The following CNTNAP3B variants were observed in gnomAD, a reference collection of about 807,000 sequenced individuals.
CNTNAP3B encodes contactin associated protein family member 3B.
Under a neutral mutation model 108.9 loss-of-function variants are expected in CNTNAP3B, and 25 were observed. The observed-to-expected ratio is 0.23, with a 90% CI of 0.17 to 0.32. CNTNAP3B has a LOEUF of 0.32. CNTNAP3B is among the 10% of genes least tolerant of loss of function. CNTNAP3B has a pLI of 1.00. For synonymous variants in CNTNAP3B, 103 were observed against 473.4 expected (o/e 0.22, Z 10.16); for missense variants, 252 against 1,210.4 (o/e 0.21, Z 11.75).
At chr9:41,981,843 C>T (rs548957432) in intron 9 of CNTNAP3B, among the ~76,000 whole-genome samples, 70 of 57,030 alleles carry the variant, frequency 1.2e-3, no homozygotes, top group Middle Eastern at 7.1e-3. Context: ...GCTTGAACCT[C>T]GGAGTTTGAG....
At chr9:41,990,389 A>ATCTGTT (rs1825783808) in intron 8 of CNTNAP3B, among the ~76,000 whole-genome samples, 1 of 129,534 alleles carries the variant, frequency 7.7e-6, no homozygotes. Context: ...TCTCCTCTGA[A>ATCTGTT]TATCTGTTTT....
At chr9:42,032,712 C>T (rs1172096957) in intron 3 of CNTNAP3B, among the ~76,000 whole-genome samples, 1 of 119,750 alleles carries the variant, frequency 8.4e-6, no homozygotes, top group Non-Finnish European at 1.7e-5. Context: ...TCTGTTGAGG[C>T]TGTCATAACA....
At chr9:41,926,192 C>T (rs1823814216) in intron 15 of CNTNAP3B, among the ~76,000 whole-genome samples, 5 of 152,284 alleles carry the variant, frequency 3.3e-5, no homozygotes, top group Admixed American at 6.5e-5. Context: ...TAACTCTTTC[C>T]TCAGTGAGGT....
At chr9:41,951,964 C>G in intron 13 of CNTNAP3B, among the ~76,000 whole-genome samples, 1 of 152,228 alleles carries the variant, frequency 6.6e-6, no homozygotes, top group Non-Finnish European at 1.5e-5. Flanking sequence ...GTATTCTCAG[C>G]TATTCAGGAG....
chr9:41,951,935 G>A (rs1211389637), intron 13 of CNTNAP3B, among the ~76,000 whole-genome samples: 1 of 152,242 alleles, frequency 6.6e-6, no homozygotes, highest in Non-Finnish European at 1.5e-5. Context: ...AAATTAGCCG[G>A]GCGTGGCGGC....
intron 15 of CNTNAP3B, among the ~76,000 whole-genome samples, chr9:41,927,379 A>G (rs1311129227): frequency 7.6e-6 from 1 of 132,306 alleles, no homozygotes; most frequent in East Asian, 2.1e-4. Flanking sequence ...CAGTGCAAAC[A>G]TACTGAGAAA....
At chr9:41,973,037 A>C (rs1421326652) in intron 9 of CNTNAP3B, among the ~76,000 whole-genome samples, 1 of 134,460 alleles carries the variant, frequency 7.4e-6, no homozygotes, top group Non-Finnish European at 1.6e-5. Context: ...ACCCAGGTTC[A>C]CAGCATTCTC....
intron 12 of CNTNAP3B, among the ~76,000 whole-genome samples, chr9:41,954,761 G>A (rs1301638391): frequency 2.6e-5 from 4 of 152,256 alleles, no homozygotes; most frequent in Non-Finnish European, 5.9e-5. Context: ...TCAGCTCACT[G>A]CAGCCTCTGC....
intron 3 of CNTNAP3B, among the ~76,000 whole-genome samples, chr9:42,036,419 G>A (rs1443600865): frequency 1.4e-5 from 2 of 139,596 alleles, no homozygotes; most frequent in Non-Finnish European, 3.1e-5. Context: ...AATGATATAT[G>A]TCATGGAAAT....
rs765769694 is a variant in CNTNAP3B at position 41,986,287 on chromosome 9, C to T, written c.1358G>A (p.Trp453Ter). 1 of 1,095,890 alleles carries T rather than the reference C, an allele frequency of 9.1e-7. No homozygotes were observed. The highest frequency in any genetic ancestry group is 1.2e-6 in the Non-Finnish European group (1 of 816,508). 67.9% of individuals were successfully genotyped at this position (1,095,890 alleles called of 1,614,324 possible). The change falls in exon 9 of 24, where the codon TGG becomes TAG. Residue 453 changes from tryptophan (W) to a stop codon, truncating the protein, a stop_gained. Transcript: ENST00000377561. LOFTEE classifies it high-confidence loss of function. ...TAGAGLNDGQ[W>*]HSVSFSAKWS... The stretch of plus-strand genomic sequence containing the variant: ...CTTGGCAGAGAAGGATACAGAGTGC[C>T]ACTGCCCATCGTTTAATCCAGCACC...
intron 3 of CNTNAP3B, among the ~76,000 whole-genome samples, chr9:42,058,255 G>A (rs1184204868): frequency 1.3e-5 from 2 of 152,144 alleles, no homozygotes; most frequent in Non-Finnish European, 2.9e-5. Flanking sequence ...GAATCATTTG[G>A]TAATTCTATT....
intron 13 of CNTNAP3B, among the ~76,000 whole-genome samples, chr9:41,942,386 G>C (rs1341948702): frequency 6.6e-6 from 1 of 151,902 alleles, no homozygotes; most frequent in African/African-American, 2.4e-5. Context: ...TGAGGCGGGC[G>C]GATCACGAGG....
chr9:42,093,362 A>T (rs1181857969), intron 2 of CNTNAP3B, among the ~76,000 whole-genome samples: 1 of 95,136 alleles, frequency 1.1e-5, no homozygotes, highest in Non-Finnish European at 2.2e-5. Flanking sequence ...AAACCAAAAC[A>T]AAACAAATTA....
intron 3 of CNTNAP3B, among the ~76,000 whole-genome samples, chr9:42,074,904 G>A (rs1175165850): frequency 2.1e-5 from 3 of 143,326 alleles, no homozygotes; most frequent in Admixed American, 1.4e-4. Context: ...GGCTGAGTTA[G>A]TTTTCCAGAA....
intron 14 of CNTNAP3B, among the ~76,000 whole-genome samples, chr9:41,930,198 A>G (rs1823936607): frequency 6.6e-6 from 1 of 152,280 alleles, no homozygotes; most frequent in Non-Finnish European, 1.5e-5. Flanking sequence ...AGTAATACAT[A>G]GACTAATGAG....
intron 13 of CNTNAP3B, among the ~76,000 whole-genome samples, chr9:41,939,381 G>C (rs1310604377): frequency 6.6e-6 from 1 of 152,298 alleles, no homozygotes; most frequent in Non-Finnish European, 1.5e-5. Context: ...AATATGAATC[G>C]AGATCTGGAA....
intron 12 of CNTNAP3B, among the ~76,000 whole-genome samples, chr9:41,956,605 T>C (rs980806708): frequency 3.3e-5 from 5 of 149,636 alleles, no homozygotes; most frequent in African/African-American, 7.4e-5. Flanking sequence ...CACTGTGTTC[T>C]GTTGTCAGGA....
chr9:42,023,598 A>AT (rs200672482), intron 3 of CNTNAP3B, among the ~76,000 whole-genome samples: 3,733 of 99,156 alleles, frequency 0.038, 940 homozygotes, highest in African/African-American at 0.14. Flanking sequence ...GGAAGGGACT[A>AT]TTTTTTATTG....
chr9:41,978,912 T>C (rs536695762), intron 9 of CNTNAP3B, among the ~76,000 whole-genome samples: 8 of 147,506 alleles, frequency 5.4e-5, no homozygotes, highest in African/African-American at 1.8e-4. Context: ...TCACATAGTA[T>C]ACCTTAAATA....
Sources: gnomAD v4.1 joint callset for allele counts (sites outside exome capture counted in the v4.1 genomes callset) on GRCh38, gnomAD v4.1.1 for gene constraint, MANE v1.5 for transcripts, NCBI Gene and HGNC (gene_info 2026-07-23, HGNC 2026-07-21) for gene names.